WDR41: variants seen among roughly 807,000 people sequenced by gnomAD.
WDR41 encodes the protein WD repeat-containing protein 41.
In WDR41, 63 loss-of-function variants were observed where a neutral mutation model predicts 69.3. That is an observed-to-expected ratio of 0.91 (90% CI 0.74 to 1.12). The LOEUF (loss-of-function observed/expected upper bound fraction) is 1.12, where lower values mean the gene tolerates loss of function less well. WDR41 is among the 50% of genes most tolerant of loss of function. WDR41 has a pLI of 0.00. For missense variants in WDR41, 543 were observed against 534.5 expected (o/e 1.02, Z -0.16); for synonymous variants, 185 against 192.1 (o/e 0.96, Z 0.31).
chr5:77,506,199 C>A (rs1802103573), intron 1 of WDR41, among the ~76,000 whole-genome samples: 1 of 152,078 alleles, frequency 6.6e-6, no homozygotes, highest in African/African-American at 2.4e-5. Flanking sequence ...AAGAAAAAAA[C>A]AAACAACCTC....
rs759912638 is a variant in WDR41, at chr5:77,437,435, A to G, written c.1005-11T>C. 2 of 1,611,956 alleles carry G rather than the reference A, an allele frequency of 1.2e-6. No homozygotes were observed. The highest frequency in any genetic ancestry group is 2.2e-5 in the South Asian group (2 of 91,050). ...CATGAGATTAACTGCCTGTCAGAAC[A>G]GAAAATCAGTAATACAAAAAGAGCG... On this transcript the variant is annotated splice_polypyrimidine_tract_variant and intron_variant, in intron 10 of 12. Transcript: ENST00000296679.
chr5:77,516,837 C>T lies in WDR41; in HGVS notation c.43-27265G>A, dbSNP rs565098123. 2.0e-5 allele frequency among the ~76,000 whole-genome samples: 3 copies of T among 151,892 alleles called. No individual in the cohort carries two copies. In the South Asian group the frequency reaches 6.2e-4, roughly 32 times the overall value. On this transcript the variant is annotated intron_variant, in intron 1 of 5. Transcript: ENST00000509971. ...ATTGAGACCATCCTGATTAACAGGGCGAAACCCTGTCTCTACTAAAAATAC... is the reference window on the plus strand; with the variant it reads ...ATTGAGACCATCCTGATTAACAGGGTGAAACCCTGTCTCTACTAAAAATAC...
At chr5:77,602,085 C>A (rs147724922) in intron 1 of WDR41, among the ~76,000 whole-genome samples, 1,930 of 152,128 alleles carry the variant, frequency 0.013, 36 homozygotes, top group African/African-American at 0.045. Context: ...TATTTGTACC[C>A]ATTAACCAAC....
At chr5:77,589,736 T>C (rs982137253) in intron 1 of WDR41, among the ~76,000 whole-genome samples, 2 of 152,318 alleles carry the variant, frequency 1.3e-5, no homozygotes, top group East Asian at 1.9e-4. Flanking sequence ...TCTGTACTTC[T>C]AAAATTTTAT....
rs779403916 is a variant in WDR41, at chr5:77,433,146, G to A, written c.1369C>T (p.Leu457Phe). The change falls in exon 13 of 13, where the codon CTT (leucine) becomes TTT (phenylalanine). Residue 457 changes from leucine to phenylalanine, a missense_variant. By Grantham distance (22) the Leu-to-Phe change is conservative. Transcript: ENST00000296679. Reference sequence around the variant, plus strand: ...TTTAATTCCTTAAACTAGACAGCAAGGTATAAGTCACCATTCTCCTCTAAT... The same window carrying A: ...TTTAATTCCTTAAACTAGACAGCAAAGTATAAGTCACCATTCTCCTCTAAT... ...QKLEENGDLY[L>F]AV 3.1e-6 allele frequency: 5 copies of A among 1,612,316 alleles called. No individual in the cohort carries two copies. In the African/African-American group the frequency reaches 4.0e-5, roughly 13 times the overall value.
intron 9 of WDR41, among the ~76,000 whole-genome samples, chr5:77,439,676 T>C (rs1311813777): frequency 6.6e-6 from 1 of 152,134 alleles, no homozygotes; most frequent in Non-Finnish European, 1.5e-5. Flanking sequence ...CGGTCCCTTA[T>C]AGAAGGAAAG....
rs768539586 is a variant in WDR41, at chr5:77,464,748, A to G, written c.216+13T>C. On this transcript the variant is annotated intron_variant, in intron 3 of 12. Coordinates refer to ENST00000296679, the MANE Select transcript of WDR41 (RefSeq NM_018268.4). ...TATCTTTATCACACAATCCACACAT[A>G]ATCAATACACACCTGGGCATTCCAC... 2.5e-6 allele frequency: 4 copies of G among 1,613,148 alleles called. No individual in the cohort carries two copies. In the African/African-American group the frequency reaches 4.0e-5, roughly 16 times the overall value.
At chr5:77,549,441 T>C (rs979012991) in intron 1 of WDR41, among the ~76,000 whole-genome samples, 2 of 151,968 alleles carry the variant, frequency 1.3e-5, no homozygotes, top group Admixed American at 6.6e-5. Flanking sequence ...CACAAATCAG[T>C]AACATTTCTA....
chr5:77,521,724 A>T (rs529349346), intron 1 of WDR41, among the ~76,000 whole-genome samples: 1 of 152,340 alleles, frequency 6.6e-6, no homozygotes, highest in Admixed American at 6.5e-5. Flanking sequence ...GACTGATCAC[A>T]TTCCATGAGA....
rs531181951 is a variant in WDR41, at chr5:77,596,964, A to G, written c.42+23515T>C. On this transcript the variant is annotated intron_variant, in intron 1 of 5. Transcript: ENST00000509971. ...GAAACCCCATTTCTACAAAAAAAAT[A>G]CAGAAAATTTAGCCAGGCATAGTAG... Among the ~76,000 whole-genome samples, 11 of 152,122 alleles carry G rather than the reference A, an allele frequency of 7.2e-5. No homozygotes were observed. The South Asian group carries it at 2.3e-3, about 32-fold the overall frequency.
rs866369054 is a variant in WDR41 at position 77,431,191 on chromosome 5, T to C, written c.*1944A>G. The C allele has an allele frequency of 6.6e-6, 1 of 152,188 alleles. No homozygotes were observed. Among genetic ancestry groups the C allele is most frequent in the Admixed American group, 6.5e-5 (1 of 15,274 alleles). The allele number at this position is 152,188 out of a possible 1,614,324, so 9.4% of individuals were successfully genotyped here. ...TAAATAGTATTACATGTTACAGAGA[T>C]CTCATTTGTGAAAGGAAGTCAATTG... On this transcript the variant is annotated 3_prime_UTR_variant, in exon 13 of 13. Transcript: ENST00000296679.
At chr5:77,580,202 G>A (rs528115447) in intron 1 of WDR41, among the ~76,000 whole-genome samples, 110 of 152,236 alleles carry the variant, frequency 7.2e-4, no homozygotes, top group African/African-American at 2.4e-3. Context: ...AGACATACCC[G>A]AGACTGGGTA....
chr5:77,530,538 T>C (rs1802512236), intron 1 of WDR41, among the ~76,000 whole-genome samples: 1 of 151,740 alleles, frequency 6.6e-6, no homozygotes, highest in South Asian at 2.1e-4. Context: ...CAAGTCTATT[T>C]ATATGAAGTT....
intron 1 of WDR41, among the ~76,000 whole-genome samples, chr5:77,572,873 T>G (rs987582242): frequency 6.6e-6 from 1 of 152,246 alleles, no homozygotes; most frequent in Non-Finnish European, 1.5e-5. Flanking sequence ...GATCAGTCTA[T>G]CTTTCATTAG....
chr5:77,563,243 C>T (rs116568660), intron 1 of WDR41, among the ~76,000 whole-genome samples: 1 of 152,118 alleles, frequency 6.6e-6, no homozygotes, highest in Admixed American at 6.6e-5. Flanking sequence ...TCAATCACCA[C>T]ATACAGGTTA....
intron 1 of WDR41, among the ~76,000 whole-genome samples, chr5:77,518,651 ATTTG>A (rs1802328137): frequency 6.6e-6 from 1 of 152,088 alleles, no homozygotes; most frequent in Admixed American, 6.5e-5. Context: ...TATTTTCTTA[ATTTG>A]TTTATTTATT....
intron 2 of WDR41, among the ~76,000 whole-genome samples, chr5:77,468,472 G>A (rs1800404008): frequency 6.6e-6 from 1 of 152,058 alleles, no homozygotes; most frequent in Non-Finnish European, 1.5e-5. Context: ...TCCAACAGTG[G>A]GCTGAAAACT....
At chr5:77,517,657 T>TAC (rs1554034407) in intron 1 of WDR41, among the ~76,000 whole-genome samples, 7 of 136,708 alleles carry the variant, frequency 5.1e-5, no homozygotes, top group African/African-American at 8.2e-5. Context: ...TATATATATA[T>TAC]ACCAGGCTAA....
chr5:77,469,877 T>C (rs1436508293), intron 2 of WDR41, among the ~76,000 whole-genome samples: 1 of 152,020 alleles, frequency 6.6e-6, no homozygotes, highest in African/African-American at 2.4e-5. Flanking sequence ...CAGGAGAACT[T>C]CTCCAATCTA....
Sources: allele counts gnomAD v4.1 joint callset (sites outside exome capture counted in the v4.1 genomes callset), GRCh38; gene constraint gnomAD v4.1.1; transcripts MANE v1.5; gene names NCBI Gene and HGNC (gene_info 2026-07-23, HGNC 2026-07-21).